Variants in NELL1 observed in about 807,000 individuals in gnomAD.
NELL1 encodes the protein protein kinase C-binding protein NELL1.
In NELL1, 76 loss-of-function variants were observed where a neutral mutation model predicts 107.4. The ratio of observed to expected loss-of-function variants is 0.71; its 90% CI spans 0.59 to 0.86. The LOEUF is 0.86. NELL1 is among the 40% of genes least tolerant of loss of function. The pLI is 0.00. For synonymous variants in NELL1, 353 were observed against 341.2 expected (o/e 1.03, Z -0.38); for missense variants, 1,024 against 1,005.5 (o/e 1.02, Z -0.25).
chr11:20,894,994 G>T (rs181940842), intron 5 of NELL1, among the ~76,000 whole-genome samples: 1 of 143,440 alleles, frequency 7.0e-6, no homozygotes, highest in Admixed American at 6.7e-5. Context: ...CCCTCTGGCC[G>T]GGCGCGGTGG....
chr11:20,756,213 A>G (rs1052490123), intron 2 of NELL1, among the ~76,000 whole-genome samples: 12 of 152,108 alleles, frequency 7.9e-5, no homozygotes, highest in African/African-American at 2.9e-4. Flanking sequence ...CAAGTTCAAT[A>G]TGATCCAGAG....
At chr11:21,334,784 C>T (rs1196889307) in intron 14 of NELL1, among the ~76,000 whole-genome samples, 2 of 150,906 alleles carry the variant, frequency 1.3e-5, no homozygotes, top group East Asian at 3.9e-4. Flanking sequence ...AGATGCTTTA[C>T]CAGGAGCTGG....
At chr11:21,424,375 C>G (rs1564887332) in intron 15 of NELL1, among the ~76,000 whole-genome samples, 1 of 152,124 alleles carries the variant, frequency 6.6e-6, no homozygotes, top group Non-Finnish European at 1.5e-5. Flanking sequence ...AATACCAGCA[C>G]TTTGGGAGGC....
intron 3 of NELL1, among the ~76,000 whole-genome samples, chr11:20,787,636 C>G (rs7130128): frequency 0.23 from 34,746 of 152,014 alleles, 4,334 homozygotes; most frequent in African/African-American, 0.31. Flanking sequence ...GTGATTCTCC[C>G]TTATGTGATT....
In NELL1 at chr11:20,928,363, C is replaced by T. The variant is rs1243955525; in HGVS notation, c.895-14C>T. 6.2e-7 allele frequency: 1 copy of T among 1,606,634 alleles called. No homozygotes were observed. The highest frequency in any genetic ancestry group is 2.2e-5 in the East Asian group (1 of 44,820). ...ATACTTCTGAGATTATGTTCCATGTCCTTCCTTCCTCAGAGTGGTGCCGTG... is the reference window on the plus strand; with the variant it reads ...ATACTTCTGAGATTATGTTCCATGTTCTTCCTTCCTCAGAGTGGTGCCGTG... On this transcript the variant is annotated splice_polypyrimidine_tract_variant and intron_variant, in intron 8 of 19. Transcript: ENST00000357134.
At chr11:20,988,338 A>G (rs756440455) in intron 12 of NELL1, among the ~76,000 whole-genome samples, 6 of 151,818 alleles carry the variant, frequency 4.0e-5, no homozygotes, top group Non-Finnish European at 8.8e-5. Flanking sequence ...CTTGTAGATA[A>G]TGGCACAAAT....
At chr11:20,899,361 G>A (rs749299620) in intron 5 of NELL1, among the ~76,000 whole-genome samples, 2 of 152,094 alleles carry the variant, frequency 1.3e-5, no homozygotes, top group Non-Finnish European at 2.9e-5. Flanking sequence ...TGTATGTTTG[G>A]CAATATAAAC....
chr11:21,518,863 T>A (rs1024860122), intron 15 of NELL1, among the ~76,000 whole-genome samples: 1 of 152,178 alleles, frequency 6.6e-6, no homozygotes, highest in Non-Finnish European at 1.5e-5. Flanking sequence ...ATAAAAATAT[T>A]CCATTGGTTG....
At chr11:21,419,713 G>A (rs1190687557) in intron 15 of NELL1, among the ~76,000 whole-genome samples, 5 of 152,190 alleles carry the variant, frequency 3.3e-5, no homozygotes, top group Admixed American at 1.3e-4. Flanking sequence ...CTGTCACTTC[G>A]ATGAAGAGAA....
At chr11:21,214,672 C>T (rs1264632964) in intron 13 of NELL1, among the ~76,000 whole-genome samples, 1 of 152,010 alleles carries the variant, frequency 6.6e-6, no homozygotes, top group East Asian at 1.9e-4. Flanking sequence ...GATGACCCTG[C>T]AATCACACTT....
chr11:21,336,917 TAAAG>T (rs1381061450), intron 14 of NELL1, among the ~76,000 whole-genome samples: 2 of 151,996 alleles, frequency 1.3e-5, no homozygotes, highest in Admixed American at 6.6e-5. Context: ...AATGCTTAAA[TAAAG>T]AGATACCTGG....
intron 13 of NELL1, among the ~76,000 whole-genome samples, chr11:21,116,542 AG>A (rs1442478820): frequency 2.0e-5 from 3 of 152,038 alleles, no homozygotes; most frequent in Non-Finnish European, 4.4e-5. Context: ...TGGATAAGAC[AG>A]AACTTGATTT....
At chr11:21,533,878 T>G (rs576403164) in intron 15 of NELL1, among the ~76,000 whole-genome samples, 348 of 152,316 alleles carry the variant, frequency 2.3e-3, no homozygotes, top group African/African-American at 8.0e-3. Flanking sequence ...CAATCTTATC[T>G]CAAAGCTTTG....
At chr11:21,236,393 G>A (rs922806941) in intron 14 of NELL1, among the ~76,000 whole-genome samples, 3 of 147,100 alleles carry the variant, frequency 2.0e-5, no homozygotes, top group Non-Finnish European at 4.5e-5. Context: ...CTTGTAGCTT[G>A]GTGTATTAAT....
At chr11:21,175,464 G>A (rs1214441550) in intron 13 of NELL1, among the ~76,000 whole-genome samples, 1 of 151,794 alleles carries the variant, frequency 6.6e-6, no homozygotes, top group African/African-American at 2.4e-5. Context: ...AATATTTCCT[G>A]TTGTTATTCA....
intron 2 of NELL1, among the ~76,000 whole-genome samples, chr11:20,693,473 GC>G (rs1854526718): frequency 6.6e-6 from 1 of 151,840 alleles, no homozygotes; most frequent in Non-Finnish European, 1.5e-5. Context: ...CTCTTTTAGG[GC>G]AGGCCTGGGT....
chr11:20,867,668 T>G (rs1407838176), intron 4 of NELL1, among the ~76,000 whole-genome samples: 1 of 152,210 alleles, frequency 6.6e-6, no homozygotes, highest in Non-Finnish European at 1.5e-5. Flanking sequence ...TATTTGTGTT[T>G]AAGAGCATAC....
intron 10 of NELL1, among the ~76,000 whole-genome samples, chr11:20,939,598 G>A (rs866064665): frequency 6.6e-6 from 1 of 152,088 alleles, no homozygotes; most frequent in Non-Finnish European, 1.5e-5. Flanking sequence ...GGAAGAATTC[G>A]ACCCCTTTAT....
intron 2 of NELL1, among the ~76,000 whole-genome samples, chr11:20,729,674 A>T (rs1180752901): frequency 6.6e-6 from 1 of 152,110 alleles, no homozygotes; most frequent in Non-Finnish European, 1.5e-5. Context: ...CCTTTCATCT[A>T]TCCATCCATT....
Sources: gnomAD v4.1 joint callset for allele counts (sites outside exome capture counted in the v4.1 genomes callset) on GRCh38, gnomAD v4.1.1 for gene constraint, MANE v1.5 for transcripts, NCBI Gene and HGNC (gene_info 2026-07-23, HGNC 2026-07-21) for gene names.